CAMTA1: variants seen among roughly 807,000 people sequenced by gnomAD.
CAMTA1 encodes calmodulin binding transcription activator 1, also known as calmodulin-binding transcription activator 1.
In CAMTA1, 27 loss-of-function variants were observed where a neutral mutation model predicts 170.9. The observed-to-expected ratio is 0.16, with a 90% CI of 0.12 to 0.22. The LOEUF (loss-of-function observed/expected upper bound fraction) is 0.22. CAMTA1 is among the 10% of genes least tolerant of loss of function. CAMTA1 has a pLI of 1.00. For synonymous variants in CAMTA1, 833 were observed against 891.5 expected (o/e 0.93, Z 1.17); for missense variants, 1,619 against 2,217.2 (o/e 0.73, Z 5.42).
rs79557447 is a variant in CAMTA1, at chr1:6,939,488, G to C, written c.234+114278G>C. ...GACAGGACTTGGAGCTGCCAGCACC[G>C]CCCATGGGCTCTGGGCTCAGGACCC... On this transcript the variant is annotated intron_variant, in intron 3 of 22. Transcript: ENST00000303635. 2.4e-3 allele frequency among the ~76,000 whole-genome samples: 361 copies of C among 152,232 alleles called. 3 individuals are homozygous for C. The highest frequency in any genetic ancestry group is 8.0e-3 in the African/African-American group (331 of 41,540).
At chr1:7,086,768 A>G (rs1640801449) in intron 3 of CAMTA1, among the ~76,000 whole-genome samples, 1 of 152,268 alleles carries the variant, frequency 6.6e-6, no homozygotes, top group Non-Finnish European at 1.5e-5. Context: ...ATGGCTGAAT[A>G]ACATGCCGTT....
chr1:7,700,242 G>A (rs1471103415), intron 11 of CAMTA1, among the ~76,000 whole-genome samples: 1 of 152,054 alleles, frequency 6.6e-6, no homozygotes, highest in Admixed American at 6.5e-5. Flanking sequence ...TCTTTTTCAT[G>A]TGGATAGCCC....
intron 3 of CAMTA1, among the ~76,000 whole-genome samples, chr1:6,998,224 C>T (rs890085472): frequency 1.3e-5 from 2 of 152,044 alleles, no homozygotes; most frequent in African/African-American, 4.8e-5. Context: ...ACTACAGGTG[C>T]GTGCCGCCAC....
chr1:7,182,105 A>G (rs1282358907), intron 4 of CAMTA1, among the ~76,000 whole-genome samples: 1 of 152,154 alleles, frequency 6.6e-6, no homozygotes, highest in East Asian at 1.9e-4. Context: ...AAATCACTGG[A>G]GCAGAGATTA....
intron 4 of CAMTA1, among the ~76,000 whole-genome samples, chr1:7,185,406 A>G (rs971680329): frequency 3.9e-5 from 6 of 152,226 alleles, no homozygotes; most frequent in African/African-American, 1.4e-4. Context: ...TGACACACTC[A>G]TGGAGATGTG....
chr1:7,640,361 A>G, intron 6 of CAMTA1, 39 bp from the exon 7 acceptor site: 1 of 1,610,576 alleles, frequency 6.2e-7, no homozygotes, highest in African/African-American at 1.3e-5. Flanking sequence ...GGTGGGCTCC[A>G]TGCCACCCTC....
At position 7,325,242 on chromosome 1, in the gene CAMTA1, A is replaced by G. The variant is rs74052673; in HGVS notation, c.438+75616A>G. ...TTCTAAACAATAAACATCCACGAGGAAATGATAGAAGATATCAGAAGGGGT... is the reference window on the plus strand; with the variant it reads ...TTCTAAACAATAAACATCCACGAGGGAATGATAGAAGATATCAGAAGGGGT... On this transcript the variant is annotated intron_variant, in intron 5 of 22. Transcript: ENST00000303635. This position sits in a 1 kb window ranked among gnomAD's most constrained non-coding sequence, Gnocchi z 5.0. Among the ~76,000 whole-genome samples, 1,357 of 152,330 alleles carry G rather than the reference A, an allele frequency of 8.9e-3. 18 individuals carry two copies. Among genetic ancestry groups the G allele is most frequent in the African/African-American group, 0.031 (1,293 of 41,578 alleles).
intron 4 of CAMTA1, among the ~76,000 whole-genome samples, chr1:7,183,376 G>T (rs1181758218): frequency 6.6e-6 from 1 of 152,074 alleles, no homozygotes; most frequent in Non-Finnish European, 1.5e-5. Context: ...AGATTTGGAG[G>T]GGACAGATAT....
chr1:7,677,806 T>G, intron 11 of CAMTA1, 73 bp downstream of exon 11: 1 of 1,530,056 alleles, frequency 6.5e-7, no homozygotes, highest in South Asian at 1.2e-5. Context: ...GCACAAGGTG[T>G]GAAAGAAGAG....
chr1:6,788,972 G>T (rs940794910), intron 1 of CAMTA1, among the ~76,000 whole-genome samples: 11 of 152,170 alleles, frequency 7.2e-5, no homozygotes, highest in Admixed American at 2.0e-4. Context: ...TAATCTTTCT[G>T]TTCGACTTTC....
At chr1:6,978,526 C>T (rs1457222116) in intron 3 of CAMTA1, among the ~76,000 whole-genome samples, 1 of 151,966 alleles carries the variant, frequency 6.6e-6, no homozygotes, top group Non-Finnish European at 1.5e-5. Flanking sequence ...CCCAGCTACT[C>T]GAGAGGCTGA....
chr1:7,581,380 C>A (rs2095259200), intron 6 of CAMTA1, among the ~76,000 whole-genome samples: 1 of 152,268 alleles, frequency 6.6e-6, no homozygotes. Flanking sequence ...TGTTTTGCAA[C>A]TAGCACTAGC....
At chr1:7,739,861 C>G (rs1465428369) in intron 16 of CAMTA1, among the ~76,000 whole-genome samples, 1 of 152,168 alleles carries the variant, frequency 6.6e-6, no homozygotes, top group Non-Finnish European at 1.5e-5. Flanking sequence ...CGCAGTTTCC[C>G]TACCACAACA....
intron 3 of CAMTA1, among the ~76,000 whole-genome samples, chr1:7,026,637 T>C (rs1255957969): frequency 6.7e-5 from 2 of 29,942 alleles, no homozygotes; most frequent in East Asian, 1.4e-3. Context: ...GGTGGCTGCT[T>C]TTTTTTTTTT....
chr1:7,713,939 G>A (rs1234407998), intron 11 of CAMTA1, among the ~76,000 whole-genome samples: 1 of 152,144 alleles, frequency 6.6e-6, no homozygotes, highest in Non-Finnish European at 1.5e-5. Flanking sequence ...GGTGAGCACC[G>A]CAGCCACTCG....
At chr1:7,143,347 A>G (rs1645996600) in intron 4 of CAMTA1, among the ~76,000 whole-genome samples, 2 of 152,342 alleles carry the variant, frequency 1.3e-5, no homozygotes, top group Non-Finnish European at 2.9e-5. Context: ...AGTATTAGTC[A>G]CTGCAAGAAG....
chr1:6,936,584 G>T (rs1685344466), intron 3 of CAMTA1, among the ~76,000 whole-genome samples: 1 of 152,166 alleles, frequency 6.6e-6, no homozygotes, highest in Non-Finnish European at 1.5e-5. Context: ...TGCTGAGCCT[G>T]CAGGACATGA....
intron 5 of CAMTA1, among the ~76,000 whole-genome samples, chr1:7,355,813 C>T (rs546206901): frequency 1.3e-4 from 18 of 142,914 alleles, no homozygotes; most frequent in African/African-American, 4.5e-4. Flanking sequence ...GGCTCCGGCT[C>T]ACAGGCCACC....
chr1:7,263,686 C>A (rs1668499068), intron 5 of CAMTA1, among the ~76,000 whole-genome samples: 1 of 152,066 alleles, frequency 6.6e-6, no homozygotes, highest in Non-Finnish European at 1.5e-5. Flanking sequence ...CAGTAGAGTT[C>A]CTTCTTCCAC....
Sources: gnomAD v4.1 joint callset for allele counts (sites outside exome capture counted in the v4.1 genomes callset) on GRCh38, gnomAD v4.1.1 for gene constraint, Gnocchi (gnomAD v3.1) non-coding constraint, MANE v1.5 for transcripts, NCBI Gene and HGNC (gene_info 2026-07-23, HGNC 2026-07-21) for gene names.